The following PDCD1LG2 variants were observed in gnomAD, a reference collection of about 807,000 sequenced individuals.
PDCD1LG2 encodes programmed cell death 1 ligand 2.
PDCD1LG2 carries 32 observed loss-of-function variants against 28.2 expected under a neutral mutation model. That is an observed-to-expected ratio of 1.13 (90% CI 0.86 to 1.52). PDCD1LG2 has a LOEUF of 1.52. Ranked by LOEUF, PDCD1LG2 falls within the 40% of genes most tolerant of loss-of-function variation. PDCD1LG2 has a pLI of 0.00. For missense variants in PDCD1LG2, 385 were observed against 323.8 expected, an observed-to-expected ratio of 1.19 and a Z score of -1.45; for synonymous variants, 116 against 120.2, an observed-to-expected ratio of 0.97 and a Z score of 0.23.
intron 1 of PDCD1LG2, among the ~76,000 whole-genome samples, chr9:5,515,898 G>C (rs1820149035): frequency 7.8e-6 from 1 of 128,346 alleles, no homozygotes. Context: ...ACTCCAGCCT[G>C]GGTGAGAGAG....
Position 5,535,022 on chromosome 9 carries a change from C to T in PDCD1LG2, c.333C>T (p.Asp111=), listed in dbSNP as rs2129796202. ...TAATCATCTATGGGGTCGCCTGGGA[C>T]TACAAGTACCTGACTCTGAAAGTCA... ...QCIIIYGVAW[D]YKYLTLKVKA... Residue 111 remains aspartate, a synonymous_variant, in exon 3 of 7, where the codon GAC becomes GAT. Coordinates refer to ENST00000397747, the MANE Select transcript of PDCD1LG2 (RefSeq NM_025239.4). 6.2e-7 allele frequency: 1 copy of T among 1,611,412 alleles called. No homozygotes were observed.
intron 3 of PDCD1LG2, among the ~76,000 whole-genome samples, chr9:5,547,092 TA>T (rs1816225629): frequency 6.6e-6 from 1 of 152,166 alleles, no homozygotes; most frequent in Non-Finnish European, 1.5e-5. Flanking sequence ...TTCTCTTCCA[TA>T]GGATGTAAAA....
At chr9:5,553,073 C>T (rs1006447941) in intron 4 of PDCD1LG2, among the ~76,000 whole-genome samples, 4 of 152,000 alleles carry the variant, frequency 2.6e-5, no homozygotes, top group Non-Finnish European at 5.9e-5. Context: ...TGCCATTGTA[C>T]TCCACTCCAG....
intron 2 of PDCD1LG2, among the ~76,000 whole-genome samples, chr9:5,527,469 A>C (rs1349791884): frequency 1.3e-5 from 2 of 152,184 alleles, no homozygotes; most frequent in Admixed American, 1.3e-4. Context: ...ATTCATTCAT[A>C]TTGTTGTGTG....
rs566852975 is a variant in PDCD1LG2 at position 5,554,401 on chromosome 9, C to T, written c.632-3217C>T. On this transcript the variant is annotated intron_variant, in intron 4 of 6. Coordinates refer to ENST00000397747, the MANE Select transcript of PDCD1LG2 (RefSeq NM_025239.4). Reference sequence around the variant, plus strand: ...AAGTCACACATCTGCCTCTGAGTTCCTGGCTTCTATTTCTCAAGGGCATTT... The same window carrying T: ...AAGTCACACATCTGCCTCTGAGTTCTTGGCTTCTATTTCTCAAGGGCATTT... 1.8e-4 allele frequency among the ~76,000 whole-genome samples: 28 copies of T among 152,362 alleles called. 1 individual carries two copies. Among genetic ancestry groups the T allele is most frequent in the Middle Eastern group, 3.4e-3 (1 of 294 alleles).
Position 5,522,580 on chromosome 9 carries a change from T to A in PDCD1LG2, c.34T>A (p.Leu12Met). The change falls in exon 2 of 7, where the codon TTG becomes ATG. Residue 12 changes from leucine to methionine, a missense_variant. Physicochemically the swap from Leu to Met is conservative, Grantham distance 15 (BLOSUM62 2). Transcript: ENST00000397747. The stretch of plus-strand genomic sequence containing the variant: ...CCTCCTGCTAATGTTGAGCCTGGAA[T>A]TGCAGCTTCACCAGATAGCAGGTAA... ...IFLLLMLSLE[L>M]QLHQIAALFT... 1 of 1,613,762 alleles carries A rather than the reference T, an allele frequency of 6.2e-7. No homozygotes were observed. Among genetic ancestry groups the A allele is most frequent in the Non-Finnish European group, 8.5e-7 (1 of 1,179,762 alleles).
In PDCD1LG2 at chr9:5,545,524, T is replaced by C. The variant is rs985498908; in HGVS notation, c.362-3811T>C. On this transcript the variant is annotated intron_variant, in intron 3 of 6. Transcript: ENST00000397747. ...GTTTACTAATATCAGAAGAAAAATATTACTAAAGATAACAAGGGACACTTC... is the reference window on the plus strand; with the variant it reads ...GTTTACTAATATCAGAAGAAAAATACTACTAAAGATAACAAGGGACACTTC... Among the ~76,000 whole-genome samples the C allele has an allele frequency of 2.2e-4, 33 of 152,214 alleles. 1 individual carries two copies. Among genetic ancestry groups the C allele is most frequent in the Admixed American group, 1.8e-3 (27 of 15,282 alleles).
chr9:5,512,029 A>C (rs906838508), intron 1 of PDCD1LG2, among the ~76,000 whole-genome samples: 2 of 152,208 alleles, frequency 1.3e-5, no homozygotes, highest in African/African-American at 4.8e-5. Context: ...TGTAATGGAC[A>C]GGGGGAAGTT....
At chr9:5,546,383 A>C (rs1011391444) in intron 3 of PDCD1LG2, among the ~76,000 whole-genome samples, 1 of 152,234 alleles carries the variant, frequency 6.6e-6, no homozygotes, top group African/African-American at 2.4e-5. Context: ...TGATCATATA[A>C]AATGATTACA....
chr9:5,519,625 C>T (rs999686864), intron 1 of PDCD1LG2, among the ~76,000 whole-genome samples: 1 of 152,170 alleles, frequency 6.6e-6, no homozygotes, highest in Non-Finnish European at 1.5e-5. Context: ...TGCAGATATC[C>T]ATGACTTTAA....
At chr9:5,551,620 GC>G (rs1236581714) in intron 4 of PDCD1LG2, among the ~76,000 whole-genome samples, 1 of 152,194 alleles carries the variant, frequency 6.6e-6, no homozygotes, top group Non-Finnish European at 1.5e-5. Flanking sequence ...ATGCATGTGG[GC>G]TGAGTGAGCT....
chr9:5,527,042 C>T (rs1820393269), intron 2 of PDCD1LG2, among the ~76,000 whole-genome samples: 2 of 151,788 alleles, frequency 1.3e-5, no homozygotes, highest in South Asian at 4.2e-4. Context: ...TAACTCTTTC[C>T]TTACTTGTAT....
In PDCD1LG2 at chr9:5,510,672, A is replaced by G. The variant is rs1351063170; in HGVS notation, c.-146A>G. 1.3e-5 allele frequency: 2 copies of G among 152,646 alleles called. No homozygotes were observed. The highest frequency in any genetic ancestry group is 4.8e-5 in the African/African-American group (2 of 41,442). The allele number at this position is 152,646 out of a possible 1,614,324, so 9.5% of individuals were successfully genotyped here. A position where few individuals can be genotyped will look rare whatever the true frequency, so the allele number is the denominator to read the frequency against. ...AAGAATCCTGGGTTGGAGCTACTGCATGTTGATTGTTTTGTTTTTCCTTTT... is the reference window on the plus strand; with the variant it reads ...AAGAATCCTGGGTTGGAGCTACTGCGTGTTGATTGTTTTGTTTTTCCTTTT... On this transcript the variant is annotated 5_prime_UTR_variant, in exon 1 of 7. It removes an upstream start codon present in the reference 5' UTR. Coordinates refer to ENST00000397747, the MANE Select transcript of PDCD1LG2 (RefSeq NM_025239.4).
intron 5 of PDCD1LG2, 89 bp from the exon 6 acceptor site, chr9:5,563,073 A>G (rs1465809258): frequency 9.2e-7 from 1 of 1,091,202 alleles, no homozygotes; most frequent in Admixed American, 2.1e-5. Context: ...ATTTATTTAG[A>G]TTTACTTTTT....
In PDCD1LG2 at chr9:5,541,255, T is replaced by G. The variant is rs573305508; in HGVS notation, c.361+6205T>G. Among the ~76,000 whole-genome samples the G allele has an allele frequency of 2.6e-5, 4 of 152,310 alleles. No homozygotes were observed. The South Asian group carries it at 8.3e-4, about 32-fold the overall frequency. ...ACTACGACAAACCCACAGCCAACATTATGCTGAATGGGGAAAAGTTGAAAG... is the reference window on the plus strand; with the variant it reads ...ACTACGACAAACCCACAGCCAACATGATGCTGAATGGGGAAAAGTTGAAAG... On this transcript the variant is annotated intron_variant, in intron 3 of 6. Transcript: ENST00000397747.
chr9:5,563,639 T>C (rs959159156), intron 6 of PDCD1LG2, among the ~76,000 whole-genome samples: 3 of 152,194 alleles, frequency 2.0e-5, no homozygotes, highest in African/African-American at 7.2e-5. Flanking sequence ...AGCTGGAATC[T>C]GTGGAGGAGG....
intron 6 of PDCD1LG2, among the ~76,000 whole-genome samples, chr9:5,565,670 T>G (rs951016585): frequency 5.3e-5 from 8 of 152,222 alleles, no homozygotes; most frequent in African/African-American, 1.9e-4. Flanking sequence ...AGTGGGATAT[T>G]AGTGTTAATG....
Position 5,563,988 on chromosome 9 carries a change from A to G in PDCD1LG2, c.816+777A>G, listed in dbSNP as rs140100998. Among the ~76,000 whole-genome samples, 10 of 152,358 alleles carry G rather than the reference A, an allele frequency of 6.6e-5. No individual in the cohort carries two copies. The East Asian group carries it at 1.3e-3, about 21-fold the overall frequency. On this transcript the variant is annotated intron_variant, in intron 6 of 6. Coordinates refer to ENST00000397747, the MANE Select transcript of PDCD1LG2 (RefSeq NM_025239.4). ...ACAAAATACTTTCACAGCAACATAT[A>G]GACTAGCATTTGACTAAGCAACTGA...
intron 1 of PDCD1LG2, among the ~76,000 whole-genome samples, chr9:5,518,698 C>G (rs1420638601): frequency 6.6e-6 from 1 of 152,208 alleles, no homozygotes; most frequent in Non-Finnish European, 1.5e-5. Flanking sequence ...ACATTTCCCT[C>G]TAGCTACTGA....
Sources: allele counts gnomAD v4.1 joint callset (sites outside exome capture counted in the v4.1 genomes callset), GRCh38; gene constraint gnomAD v4.1.1; transcripts MANE v1.5; gene names NCBI Gene and HGNC (gene_info 2026-07-23, HGNC 2026-07-21).